Variants in SLC38A6 observed in about 807,000 individuals in gnomAD.
SLC38A6 encodes the protein N system amino acid transporter NAT-1.
SLC38A6 carries 73 observed loss-of-function variants against 65.0 expected under a neutral mutation model. The observed-to-expected ratio is 1.12, with a 90% confidence interval of 0.93 to 1.37. The LOEUF (loss-of-function observed/expected upper bound fraction) is 1.37. Among genes scored for constraint, SLC38A6 ranks in the 40% most tolerant of loss-of-function variants. SLC38A6 has a pLI of 0.00. For synonymous variants in SLC38A6, 183 were observed against 178.8 expected, an observed-to-expected ratio of 1.02 and a Z score of -0.19; for missense variants, 561 against 531.1, an observed-to-expected ratio of 1.06 and a Z score of -0.55.
At chr14:61,018,855 G>C (rs1307228183) in intron 4 of SLC38A6, among the ~76,000 whole-genome samples, 1 of 152,102 alleles carries the variant, frequency 6.6e-6, no homozygotes, top group African/African-American at 2.4e-5. Flanking sequence ...TGAAAAATCA[G>C]ATCTGGCTAC....
chr14:61,032,307 A>G (rs1042584171), intron 6 of SLC38A6, among the ~76,000 whole-genome samples: 1 of 151,830 alleles, frequency 6.6e-6, no homozygotes, highest in Non-Finnish European at 1.5e-5. Context: ...TTAGAAATAT[A>G]TGTAATATTT....
In SLC38A6 at chr14:60,981,331, C is replaced by T; in HGVS notation, c.54C>T (p.Val18=). Reference sequence around the variant, plus strand: ...CTGAGCGGGGCTGGTATGTCTCTGTCCAGCAGCCTGAAGAAGCGGAGGCCG... The same window carrying T: ...CTGAGCGGGGCTGGTATGTCTCTGTTCAGCAGCCTGAAGAAGCGGAGGCCG... The part of the protein sequence containing the change: ...FNAERGWYVS[V]QQPEEAEAEE... Residue 18 remains valine (V), a synonymous_variant, in exon 1 of 16, where the codon GTC becomes GTT. Coordinates refer to ENST00000267488, the MANE Select transcript of SLC38A6 (RefSeq NM_153811.3). The T allele has an allele frequency of 6.2e-7, 1 of 1,610,616 alleles. No homozygotes were observed. Among genetic ancestry groups the T allele is most frequent in the Non-Finnish European group, 8.5e-7 (1 of 1,178,628 alleles).
intron 6 of SLC38A6, among the ~76,000 whole-genome samples, chr14:61,036,619 A>C (rs2139717718): frequency 6.6e-6 from 1 of 152,326 alleles, no homozygotes; most frequent in African/African-American, 2.4e-5. Flanking sequence ...AAAAATTTAC[A>C]AAAAGTGTAT....
chr14:61,016,870 A>G (rs1050061487), intron 4 of SLC38A6, among the ~76,000 whole-genome samples: 5 of 152,322 alleles, frequency 3.3e-5, no homozygotes, highest in African/African-American at 9.6e-5. Context: ...GACCTAATTA[A>G]TATTTGCATT....
intron 3 of SLC38A6, among the ~76,000 whole-genome samples, chr14:60,994,321 G>A (rs1384436905): frequency 2.6e-5 from 4 of 152,156 alleles, no homozygotes; most frequent in Admixed American, 1.3e-4. Context: ...CAAGGCGGGC[G>A]GATCACCTGA....
chr14:61,040,909 G>C (rs1428042933), intron 8 of SLC38A6, among the ~76,000 whole-genome samples: 2 of 152,148 alleles, frequency 1.3e-5, no homozygotes, highest in South Asian at 4.1e-4. Context: ...TCTAGTAGGG[G>C]AGATAAATTT....
downstream of SLC38A6, among the ~76,000 whole-genome samples, chr14:61,054,715 G>T (rs539431628): frequency 6.6e-6 from 1 of 152,242 alleles, no homozygotes; most frequent in South Asian, 2.1e-4. Context: ...TTTGTACATT[G>T]ATTTTATATC....
intron 15 of SLC38A6, among the ~76,000 whole-genome samples, chr14:61,071,391 G>T (rs546452008): frequency 3.0e-4 from 46 of 152,150 alleles, no homozygotes; most frequent in African/African-American, 1.0e-3. Context: ...CTTCATTAAA[G>T]ATTTTATTGG....
At chr14:60,988,324 A>T (rs1457409797) in intron 3 of SLC38A6, among the ~76,000 whole-genome samples, 1 of 151,990 alleles carries the variant, frequency 6.6e-6, no homozygotes, top group East Asian at 1.9e-4. Context: ...TCTCCTTACT[A>T]TTGTCATCTA....
At chr14:61,074,175 C>T (rs2139975938) in intron 15 of SLC38A6, among the ~76,000 whole-genome samples, 2 of 152,260 alleles carry the variant, frequency 1.3e-5, no homozygotes, top group South Asian at 4.1e-4. Flanking sequence ...CTCTGACCCC[C>T]ACATTGTTCA....
chr14:60,997,581 T>C (rs2038384638), intron 3 of SLC38A6, among the ~76,000 whole-genome samples: 1 of 152,210 alleles, frequency 6.6e-6, no homozygotes, highest in Admixed American at 6.5e-5. Context: ...TCGGTCTAAC[T>C]CTTAATTTGT....
At chr14:61,065,088 A>C (rs1779978239) in intron 15 of SLC38A6, among the ~76,000 whole-genome samples, 1 of 152,014 alleles carries the variant, frequency 6.6e-6, no homozygotes, top group Non-Finnish European at 1.5e-5. Flanking sequence ...CCCTTTAAAC[A>C]CCCAAGGTCT....
At chr14:61,031,361 G>T (rs1446870715) in intron 6 of SLC38A6, among the ~76,000 whole-genome samples, 1 of 152,104 alleles carries the variant, frequency 6.6e-6, no homozygotes, top group East Asian at 1.9e-4. Flanking sequence ...GTTCTGGAAT[G>T]CAAGGAAAGG....
chr14:61,031,851 G>A (rs2139674650), intron 6 of SLC38A6, among the ~76,000 whole-genome samples: 1 of 152,004 alleles, frequency 6.6e-6, no homozygotes, highest in Admixed American at 6.5e-5. Flanking sequence ...TAAGAGTAAG[G>A]AGATATGTGT....
Position 61,021,261 on chromosome 14 carries a change from C to T in SLC38A6, c.403+1681C>T, listed in dbSNP as rs566100518. Among the ~76,000 whole-genome samples the T allele has an allele frequency of 3.0e-3, 450 of 152,182 alleles. 2 individuals carry two copies. Among genetic ancestry groups the T allele is most frequent in the Non-Finnish European group, 5.0e-3 (338 of 68,018 alleles). On this transcript the variant is annotated intron_variant, in intron 5 of 15. Transcript: ENST00000267488. ...TCTCTTTCTAAGTACCTTAAATATT[C>T]TAGATATATTTATCAAGAAGAGAAA... is the stretch of plus-strand genomic sequence containing the variant.
intron 3 of SLC38A6, among the ~76,000 whole-genome samples, chr14:61,012,726 T>G (rs895393004): frequency 1.3e-5 from 2 of 152,224 alleles, no homozygotes; most frequent in African/African-American, 2.4e-5. Flanking sequence ...AGTTCTAGTT[T>G]GATTGCACTG....
chr14:60,993,127 C>A (rs977031126), intron 3 of SLC38A6, among the ~76,000 whole-genome samples: 3 of 152,138 alleles, frequency 2.0e-5, no homozygotes, highest in African/African-American at 7.2e-5. Flanking sequence ...GGATTACAGG[C>A]GTGAGCCACC....
chr14:61,061,149 A>G (rs7155381), intron 15 of SLC38A6, among the ~76,000 whole-genome samples: 3 of 152,096 alleles, frequency 2.0e-5, no homozygotes, highest in Non-Finnish European at 4.4e-5. Flanking sequence ...CTCCTCCCCC[A>G]AGTGTTGAAT....
intron 1 of SLC38A6, 122 bp from the exon 2 acceptor site, chr14:60,982,385 TG>T: frequency 1.6e-6 from 2 of 1,214,624 alleles, no homozygotes; most frequent in Non-Finnish European, 2.4e-6. Flanking sequence ...AAGCAACGAG[TG>T]TGTCATACAA....
Sources: gnomAD v4.1 joint callset for allele counts (sites outside exome capture counted in the v4.1 genomes callset) on GRCh38, gnomAD v4.1.1 for gene constraint, MANE v1.5 for transcripts, NCBI Gene and HGNC (gene_info 2026-07-23, HGNC 2026-07-21) for gene names.